ADAMTSL3: variants seen among roughly 807,000 people sequenced by gnomAD.
ADAMTSL3 encodes ADAMTS-like protein 3.
A neutral mutation model predicts 201.7 loss-of-function variants in ADAMTSL3; 128 were observed. The observed-to-expected ratio is 0.63, with a 90% CI of 0.55 to 0.73. The LOEUF (loss-of-function observed/expected upper bound fraction) is 0.73, where lower values mean the gene tolerates loss of function less well. ADAMTSL3 is among the 30% of genes least tolerant of loss of function. The probability of loss-of-function intolerance (pLI) is 0.00; values close to 1 mark genes in which losing one functional copy is unlikely to be tolerated. For synonymous variants in ADAMTSL3, 738 were observed against 748.4 expected, an observed-to-expected ratio of 0.99 and a Z score of 0.23; for missense variants, 1,990 against 2,119.6, an observed-to-expected ratio of 0.94 and a Z score of 1.20.
intron 27 of ADAMTSL3, among the ~76,000 whole-genome samples, chr15:84,026,064 C>A (rs1042977495): frequency 6.6e-6 from 1 of 152,076 alleles, no homozygotes; most frequent in Non-Finnish European, 1.5e-5. Context: ...ACAATAAAGA[C>A]ATAAATTTTT....
chr15:83,681,209 A>G (rs887583421), intron 2 of ADAMTSL3, among the ~76,000 whole-genome samples: 5 of 152,200 alleles, frequency 3.3e-5, no homozygotes, highest in Non-Finnish European at 7.4e-5. Context: ...TTTCTTGTTC[A>G]TTTACATATC....
chr15:83,793,144 G>C (rs1017616719), intron 4 of ADAMTSL3, among the ~76,000 whole-genome samples: 8 of 152,142 alleles, frequency 5.3e-5, no homozygotes, highest in Non-Finnish European at 8.8e-5. Flanking sequence ...TGATCTCGTA[G>C]AAAAAGAGAG....
chr15:83,946,284 A>G (rs1396932332), intron 19 of ADAMTSL3, among the ~76,000 whole-genome samples: 3 of 152,198 alleles, frequency 2.0e-5, no homozygotes, highest in Non-Finnish European at 4.4e-5. Flanking sequence ...CTGAATTTAC[A>G]GTTGCCAGTT....
chr15:83,786,360 A>G (rs1261827024), intron 4 of ADAMTSL3, among the ~76,000 whole-genome samples: 8 of 152,178 alleles, frequency 5.3e-5, no homozygotes, highest in Non-Finnish European at 7.3e-5. Context: ...TTTATGTGAG[A>G]TATTTTGATG....
intron 5 of ADAMTSL3, among the ~76,000 whole-genome samples, chr15:83,817,438 C>G (rs1213875753): frequency 1.3e-5 from 2 of 152,138 alleles, no homozygotes; most frequent in African/African-American, 2.4e-5. Context: ...TTTATCTGTT[C>G]TCAGAGCAGA....
intron 9 of ADAMTSL3, among the ~76,000 whole-genome samples, chr15:83,874,909 G>T (rs2065150534): frequency 6.9e-6 from 1 of 145,498 alleles, no homozygotes; most frequent in Non-Finnish European, 1.5e-5. Flanking sequence ...CCGGAAGCCC[G>T]GTAGGCGTTT....
chr15:83,715,496 T>A (rs551236098), intron 3 of ADAMTSL3, among the ~76,000 whole-genome samples: 2 of 152,320 alleles, frequency 1.3e-5, no homozygotes, highest in African/African-American at 2.4e-5. Flanking sequence ...TGAGATTCTC[T>A]TATTAAGTCC....
At chr15:83,805,735 T>C (rs942054040) in intron 5 of ADAMTSL3, among the ~76,000 whole-genome samples, 3 of 152,054 alleles carry the variant, frequency 2.0e-5, no homozygotes, top group Admixed American at 6.6e-5. Flanking sequence ...ACAATTAGAC[T>C]AGAGTGTCTG....
At chr15:83,993,462 A>G (rs758537706) in intron 23 of ADAMTSL3, among the ~76,000 whole-genome samples, 2 of 152,226 alleles carry the variant, frequency 1.3e-5, no homozygotes, top group Admixed American at 1.3e-4. Flanking sequence ...AGTGGCATAT[A>G]TAATTTTTTT....
chr15:83,695,309 GA>G (rs1240740177), intron 2 of ADAMTSL3, among the ~76,000 whole-genome samples: 1 of 31,072 alleles, frequency 3.2e-5, no homozygotes, highest in African/African-American at 1.2e-4. Flanking sequence ...GAGGGAGAGA[GA>G]AAATTCCAGA....
chr15:83,771,881 G>T, intron 3 of ADAMTSL3, among the ~76,000 whole-genome samples: 1 of 148,768 alleles, frequency 6.7e-6, no homozygotes, highest in South Asian at 2.1e-4. Context: ...TTCTGAGACA[G>T]AATCTCGCTC....
intron 7 of ADAMTSL3, among the ~76,000 whole-genome samples, chr15:83,847,456 T>G (rs899780415): frequency 1.1e-4 from 17 of 151,910 alleles, no homozygotes; most frequent in African/African-American, 4.1e-4. Context: ...TTTTGAAAAA[T>G]TGTGCAGACC....
chr15:83,940,328 AG>A (rs1338369602), intron 17 of ADAMTSL3, among the ~76,000 whole-genome samples: 35 of 152,342 alleles, frequency 2.3e-4, no homozygotes, highest in African/African-American at 8.2e-4. Context: ...AAATACCGTA[AG>A]GGTGGCTTCG....
chr15:84,018,906 C>CTAATTTAAA (rs2068139993), intron 25 of ADAMTSL3, among the ~76,000 whole-genome samples: 2 of 152,044 alleles, frequency 1.3e-5, no homozygotes, highest in Non-Finnish European at 2.9e-5. Context: ...GGACTGACCG[C>CTAATTTAAA]ATCAAAATTT....
chr15:83,970,204 A>G (rs908444368), intron 19 of ADAMTSL3, among the ~76,000 whole-genome samples: 3 of 152,114 alleles, frequency 2.0e-5, no homozygotes. Flanking sequence ...CTATCTCCAA[A>G]AGAAAGAGTG....
At chr15:83,934,688 C>G (rs2066429328) in intron 17 of ADAMTSL3, among the ~76,000 whole-genome samples, 1 of 152,034 alleles carries the variant, frequency 6.6e-6, no homozygotes. Flanking sequence ...AAGGGAGAGA[C>G]CAGGTGGAGA....
chr15:83,821,424 A>G (rs1488457424), intron 6 of ADAMTSL3, among the ~76,000 whole-genome samples: 1 of 150,986 alleles, frequency 6.6e-6, no homozygotes, highest in African/African-American at 2.4e-5. Context: ...GGTACTTGAG[A>G]TTAGGGAGTG....
At chr15:83,828,825 C>T (rs560609093) in intron 6 of ADAMTSL3, among the ~76,000 whole-genome samples, 2 of 152,096 alleles carry the variant, frequency 1.3e-5, no homozygotes, top group African/African-American at 4.8e-5. Context: ...TGCTGGATTA[C>T]GTTTATTGAT....
rs1567169785 is a variant in ADAMTSL3 at position 83,823,952 on chromosome 15, CTTCTTCTTCTTCTTCTT to C, written c.600+3906_600+3922del. Among the ~76,000 whole-genome samples, 122 of 92,742 alleles carry C rather than the reference CTTCTTCTTCTTCTTCTT, an allele frequency of 1.3e-3. 4 individuals are homozygous for C. Among genetic ancestry groups the C allele is most frequent in the East Asian group, 0.01 (27 of 2,626 alleles). The allele number at this position is 92,742 out of a possible 152,430, so 60.8% of individuals were successfully genotyped here. A position where few individuals can be genotyped will look rare whatever the true frequency, so the allele number is the denominator to read the frequency against. On this transcript the variant is annotated intron_variant, in intron 6 of 29. Transcript: ENST00000286744. ...TCTTCTTCTTCTTCTTCTTCTTCTT[CTTCTTCTTCTTCTTCTT>C]CTTCTCCTCCTCCTCCTCCTCCTTC...
Sources: allele counts gnomAD v4.1 joint callset (sites outside exome capture counted in the v4.1 genomes callset), GRCh38; gene constraint gnomAD v4.1.1; transcripts MANE v1.5; gene names NCBI Gene and HGNC (gene_info 2026-07-23, HGNC 2026-07-21).